The following DYNC1H1 variants were observed in gnomAD, a reference collection of about 807,000 sequenced individuals.
The protein encoded by DYNC1H1 is cytoplasmic dynein 1 heavy chain 1.
DYNC1H1 carries 51 observed loss-of-function variants against 527.1 expected under a neutral mutation model. That is an observed-to-expected ratio of 0.10 (90% CI 0.08 to 0.12). The LOEUF (loss-of-function observed/expected upper bound fraction) is 0.12. Among genes scored for constraint, DYNC1H1 ranks in the 10% least tolerant of loss-of-function variants. DYNC1H1 has a pLI of 1.00. For missense variants in DYNC1H1, 2,771 were observed against 5,971.8 expected (o/e 0.46, Z 17.66); for synonymous variants, 2,189 against 2,278.8 (o/e 0.96, Z 1.12).
chr14:101,982,144 C>T (rs756747824), intron 5 of DYNC1H1, among the ~76,000 whole-genome samples: 12 of 152,070 alleles, frequency 7.9e-5, no homozygotes, highest in African/African-American at 1.9e-4. Context: ...ACTGCGCACG[C>T]GAGGGATGTA....
At chr14:102,043,656 C>T (rs1040120278) in intron 69 of DYNC1H1, 2 of 616,222 alleles carry the variant, frequency 3.2e-6, no homozygotes. Flanking sequence ...CTCTAGATTT[C>T]TTACTGGCTG....
chr14:102,012,449 G>A lies in DYNC1H1; in HGVS notation c.6993G>A (p.Glu2331=), dbSNP rs756212022. Residue 2331 remains glutamate, a synonymous_variant, in exon 34 of 78, where the codon GAG becomes GAA. Transcript: ENST00000360184. The surrounding 1 kb of genome is among the most constrained non-coding windows in gnomAD (Gnocchi z 4.9). ...DNKLLTLPNG[E]RLSLPPNVRI... ...AGCTCCTAACTTTGCCCAATGGAGA[G>A]CGCCTCAGTCTTCCACCCAATGTAA... is the stretch of plus-strand genomic sequence containing the variant. 3 of 1,614,208 alleles carry A rather than the reference G, an allele frequency of 1.9e-6. No homozygotes were observed. Among genetic ancestry groups the A allele is most frequent in the East Asian group, 2.2e-5 (1 of 44,890 alleles).
intron 8 of DYNC1H1, among the ~76,000 whole-genome samples, chr14:101,987,140 C>T (rs562006694): frequency 2.0e-4 from 30 of 152,374 alleles, no homozygotes; most frequent in African/African-American, 7.2e-4. Context: ...GCGAGGCTGG[C>T]TCCCCAGGCA....
At position 102,055,324 on chromosome 14, in the gene DYNC1H1, G is replaced by C. The variant is rs550475648; in HGVS notation, c.*4761G>C. 6.6e-6 allele frequency: 1 copy of C among 152,340 alleles called. No individual in the cohort carries two copies. Among genetic ancestry groups the C allele is most frequent in the South Asian group, 2.1e-4 (1 of 4,802 alleles). 9.4% of individuals were successfully genotyped at this position (152,340 alleles called of 1,614,324 possible). On this transcript the variant is annotated 3_prime_UTR_variant, in exon 78 of 78. Transcript: ENST00000360184. ...CGACCAGGCTGGGAACACCGAGACC[G>C]AGAGCGCGTGGCTGTGTCTACAAAG...
At position 102,048,009 on chromosome 14, in the gene DYNC1H1, G is replaced by A. The variant is rs879254217; in HGVS notation, c.13199G>A (p.Arg4400His). The change falls in exon 73 of 78, where the codon CGC (arginine) becomes CAC (histidine). Residue 4400 changes from arginine to histidine, a missense_variant. By Grantham distance (29) the Arg-to-His change is conservative. Coordinates refer to ENST00000360184, the MANE Select transcript of DYNC1H1 (RefSeq NM_001376.5). ...CCCCAGACGCTGAGCCACCTCAAGC[G>A]CACCGTGGAGAATATCAAGGTAGCT... ...LIPQTLSHLK[R>H]TVENIKDPLF... 4 of 1,611,424 alleles carry A rather than the reference G, an allele frequency of 2.5e-6. No homozygotes were observed. Among genetic ancestry groups the A allele is most frequent in the Non-Finnish European group, 3.4e-6 (4 of 1,179,872 alleles).
rs995130386 is a variant in DYNC1H1, at chr14:102,015,987, C to T, written c.7374C>T (p.Leu2458=). Residue 2458 remains leucine, a synonymous_variant, in exon 36 of 78, where the codon CTC becomes CTT. Transcript: ENST00000360184. The surrounding 1 kb of genome is among the most constrained non-coding windows in gnomAD (Gnocchi z 6.9). ...DLTRLRCLGS[L]FSMLHQACRN... ...CACGCCTGCGCTGCCTGGGCTCGCT[C>T]TTCTCCATGCTGCACCAGGCCTGCC... is the stretch of plus-strand genomic sequence containing the variant. 1 of 1,613,920 alleles carries T rather than the reference C, an allele frequency of 6.2e-7. No homozygotes were observed. The highest frequency in any genetic ancestry group is 2.2e-5 in the East Asian group (1 of 44,886).
At position 102,048,524 on chromosome 14, in the gene DYNC1H1, G is replaced by A. The variant is rs1043396684; in HGVS notation, c.13227G>A (p.Leu4409=). The change falls in exon 74 of 78, where the codon TTG becomes TTA. Residue 4409 remains leucine (L), a synonymous_variant. Transcript: ENST00000360184. ...CTTTTGAACGATTTTAGGATCCTTT[G>A]TTCAGGTTCTTTGAGAGAGAAGTGA... is the stretch of plus-strand genomic sequence containing the variant. ...KRTVENIKDP[L]FRFFEREVKM... 2 of 1,614,200 alleles carry A rather than the reference G, an allele frequency of 1.2e-6. No individual in the cohort carries two copies. Among genetic ancestry groups the A allele is most frequent in the Admixed American group, 1.7e-5 (1 of 60,024 alleles).
rs2048541359 is a variant in DYNC1H1, at chr14:102,033,997, C to T, written c.10435C>T (p.Leu3479=). ...EAKVNRSTAL[L]KSLSAERERW... is the part of the protein sequence containing the mutation. ...TTAGGTAAACCGGAGCACTGCTCTTCTGAAGAGCTTGTCTGCTGAACGTGA... is the reference window on the plus strand; with the variant it reads ...TTAGGTAAACCGGAGCACTGCTCTTTTGAAGAGCTTGTCTGCTGAACGTGA... The change falls in exon 55 of 78, where the codon CTG becomes TTG. Residue 3479 remains leucine, a synonymous_variant. Coordinates refer to ENST00000360184, the MANE Select transcript of DYNC1H1 (RefSeq NM_001376.5). The surrounding 1 kb of genome is among the most constrained non-coding windows in gnomAD (Gnocchi z 5.6). 1.2e-6 allele frequency: 2 copies of T among 1,613,848 alleles called. No homozygotes were observed. The highest frequency in any genetic ancestry group is 1.3e-5 in the African/African-American group (1 of 74,936).
Position 102,016,936 on chromosome 14 carries a change from C to T in DYNC1H1, c.7785C>T (p.Gly2595=). Residue 2595 remains glycine (G), a synonymous_variant, in exon 38 of 78, where the codon GGC becomes GGT. Coordinates refer to ENST00000360184, the MANE Select transcript of DYNC1H1 (RefSeq NM_001376.5). This position sits in a 1 kb window ranked among gnomAD's most constrained non-coding sequence, Gnocchi z 7.3. ...AACACAAGCCCCTGGTCTTGTGTGG[C>T]CCTCCTGGGTCTGGCAAGACCATGA... ...LAEHKPLVLC[G]PPGSGKTMTL... The T allele has an allele frequency of 6.2e-7, 1 of 1,614,248 alleles. No homozygotes were observed. Among genetic ancestry groups the T allele is most frequent in the Admixed American group, 1.7e-5 (1 of 60,036 alleles).
chr14:101,987,236 G>A (rs1432605839), intron 8 of DYNC1H1, among the ~76,000 whole-genome samples: 1 of 152,228 alleles, frequency 6.6e-6, no homozygotes, highest in African/African-American at 2.4e-5. Flanking sequence ...GGGAGTAAGG[G>A]AAGAGAAGCT....
Position 102,031,803 on chromosome 14 carries a change from A to G in DYNC1H1, c.9884-469A>G, listed in dbSNP as rs934444870. 2.0e-5 allele frequency among the ~76,000 whole-genome samples: 3 copies of G among 152,042 alleles called. 1 individual carries two copies. Among genetic ancestry groups the G allele is most frequent in the Admixed American group, 2.0e-4 (3 of 15,250 alleles). On this transcript the variant is annotated intron_variant, in intron 51 of 77. Transcript: ENST00000360184. ...AACCCCGTCTCTACTAAAAATAGGA[A>G]ATTAGCTGGGCGTGGTGGTGCATAC...
chr14:101,976,107 G>A (rs1182894954), intron 2 of DYNC1H1, among the ~76,000 whole-genome samples: 4 of 150,930 alleles, frequency 2.7e-5, no homozygotes, highest in Non-Finnish European at 4.4e-5. Flanking sequence ...GGGTTTCTCC[G>A]TGTTGGTCAG....
chr14:101,988,594 T>G (rs1400734779), intron 9 of DYNC1H1, 109 bp from the exon 10 acceptor site: 11 of 1,421,386 alleles, frequency 7.7e-6, no homozygotes, highest in Non-Finnish European at 1.1e-5. Flanking sequence ...AGGCTTCTAG[T>G]CCGGAACTGT....
intron 1 of DYNC1H1, among the ~76,000 whole-genome samples, chr14:101,973,777 C>T (rs2047767300): frequency 6.6e-6 from 1 of 152,144 alleles, no homozygotes; most frequent in African/African-American, 2.4e-5. Flanking sequence ...GCGTTCCAGC[C>T]TGGGCGGCAG....
At chr14:101,977,553 G>T (rs1835296598) in intron 2 of DYNC1H1, among the ~76,000 whole-genome samples, 1 of 152,188 alleles carries the variant, frequency 6.6e-6, no homozygotes, top group African/African-American at 2.4e-5. Context: ...GATTGCTGCA[G>T]TATTGTTCTC....
intron 1 of DYNC1H1, among the ~76,000 whole-genome samples, chr14:101,974,963 T>C (rs2047784235): frequency 6.6e-6 from 1 of 152,126 alleles, no homozygotes; most frequent in Non-Finnish European, 1.5e-5. Context: ...CAGACTCAGA[T>C]AAGTGGTGTG....
Position 102,028,315 on chromosome 14 carries a change from C to T in DYNC1H1, c.9468+174C>T. The stretch of plus-strand genomic sequence containing the variant: ...TCACTTGAACCCAGGAGTTCAAGAC[C>T]AGCCTGGGCAACATGGCGAGACCCC... On this transcript the variant is annotated intron_variant, in intron 48 of 77. Transcript: ENST00000360184. 3 of 697,118 alleles carry T rather than the reference C, an allele frequency of 4.3e-6. No individual in the cohort carries two copies. The East Asian group carries it at 9.1e-5, about 21-fold the overall frequency. The allele number at this position is 697,118 out of a possible 1,614,324, so 43.2% of individuals were successfully genotyped here. A position where few individuals can be genotyped will look rare whatever the true frequency, so the allele number is the denominator to read the frequency against.
At chr14:101,991,756 T>G (rs548259742) in intron 11 of DYNC1H1, 83 bp downstream of exon 11, 1 of 1,574,046 alleles carries the variant, frequency 6.4e-7, no homozygotes, top group East Asian at 2.2e-5. Flanking sequence ...TGGTGCTTCT[T>G]TAGATAAGCT....
chr14:101,979,582 C>T lies in DYNC1H1; in HGVS notation c.518+90C>T, dbSNP rs998660585. On this transcript the variant is annotated intron_variant, in intron 3 of 77. Transcript: ENST00000360184. The surrounding 1 kb of genome is among the most constrained non-coding windows in gnomAD (Gnocchi z 4.6). ...TAAAACTTGGGAATTGGGAGGGTAACGCTAGTGAGCCGAGGGGATATAAAC... is the reference window on the plus strand; with the variant it reads ...TAAAACTTGGGAATTGGGAGGGTAATGCTAGTGAGCCGAGGGGATATAAAC... 15 of 1,605,786 alleles carry T rather than the reference C, an allele frequency of 9.3e-6. No homozygotes were observed. Among genetic ancestry groups the T allele is most frequent in the East Asian group, 2.2e-5 (1 of 44,856 alleles).
Sources: gnomAD v4.1 joint callset for allele counts (sites outside exome capture counted in the v4.1 genomes callset) on GRCh38, gnomAD v4.1.1 for gene constraint, Gnocchi (gnomAD v3.1) non-coding constraint, MANE v1.5 for transcripts, NCBI Gene and HGNC (gene_info 2026-07-23, HGNC 2026-07-21) for gene names.